The following RBFOX1 variants were observed in gnomAD, a reference collection of about 807,000 sequenced individuals.
The protein encoded by RBFOX1 is RNA binding protein fox-1 homolog 1.
RBFOX1 carries 8 observed loss-of-function variants against 57.7 expected under a neutral mutation model. The ratio of observed to expected loss-of-function variants is 0.14; its 90% CI spans 0.08 to 0.25. The LOEUF is 0.25. Among genes scored for constraint, RBFOX1 ranks in the 10% least tolerant of loss-of-function variants. The pLI is 1.00. For synonymous variants in RBFOX1, 326 were observed against 222.4 expected, an observed-to-expected ratio of 1.47 and a Z score of -4.15; for missense variants, 611 against 548.5, an observed-to-expected ratio of 1.11 and a Z score of -1.14.
chr16:5,925,302 A>G (rs1425709307), intron 4 of RBFOX1, among the ~76,000 whole-genome samples: 1 of 152,220 alleles, frequency 6.6e-6, no homozygotes, highest in Non-Finnish European at 1.5e-5. Context: ...GTCTACCCAT[A>G]CAGTGGGATA....
intron 2 of RBFOX1, among the ~76,000 whole-genome samples, chr16:5,547,837 C>G (rs899231199): frequency 6.6e-6 from 1 of 151,922 alleles, no homozygotes; most frequent in Admixed American, 6.6e-5. Context: ...TAAGTGGGAG[C>G]TAAACATTGG....
intron 2 of RBFOX1, among the ~76,000 whole-genome samples, chr16:6,589,693 T>G (rs1295229318): frequency 1.3e-5 from 2 of 152,218 alleles, no homozygotes; most frequent in African/African-American, 4.8e-5. Flanking sequence ...GCAAAGGCAG[T>G]CTAGTTCCCA....
chr16:6,982,967 C>T (rs971235663), intron 3 of RBFOX1, among the ~76,000 whole-genome samples: 1 of 123,940 alleles, frequency 8.1e-6, no homozygotes, highest in African/African-American at 3.0e-5. Context: ...GTGCTCCAGC[C>T]TGGGTGACAA....
chr16:7,189,683 A>G (rs2084899054), intron 4 of RBFOX1, among the ~76,000 whole-genome samples: 2 of 152,320 alleles, frequency 1.3e-5, no homozygotes, highest in Non-Finnish European at 2.9e-5. Context: ...CCACTGGGAA[A>G]AAGGTACCAT....
intron 1 of RBFOX1, among the ~76,000 whole-genome samples, chr16:5,260,116 G>C (rs1259381338): frequency 1.3e-5 from 2 of 152,166 alleles, no homozygotes; most frequent in African/African-American, 4.8e-5. Flanking sequence ...CAGGAGAATC[G>C]CTTAAGCCTG....
At chr16:7,499,118 T>C (rs1167306636) in intron 4 of RBFOX1, among the ~76,000 whole-genome samples, 1 of 152,212 alleles carries the variant, frequency 6.6e-6, no homozygotes. Flanking sequence ...AGAAATTTAC[T>C]GGCTCACAGT....
intron 3 of RBFOX1, among the ~76,000 whole-genome samples, chr16:5,831,080 T>A (rs2056252953): frequency 1.3e-5 from 2 of 152,210 alleles, no homozygotes; most frequent in South Asian, 4.1e-4. Flanking sequence ...GATACGAGCA[T>A]CTTTAACAGT....
chr16:7,491,472 G>C (rs2066958046), intron 4 of RBFOX1, among the ~76,000 whole-genome samples: 1 of 151,414 alleles, frequency 6.6e-6, no homozygotes, highest in African/African-American at 2.4e-5. Context: ...AGCCAGACAG[G>C]TGATGTGATC....
intron 3 of RBFOX1, among the ~76,000 whole-genome samples, chr16:6,792,761 T>C (rs2083212018): frequency 6.6e-6 from 1 of 152,206 alleles, no homozygotes; most frequent in African/African-American, 2.4e-5. Context: ...GCCGGCATGG[T>C]GGCTCACGCC....
chr16:6,932,129 G>T (rs1031122588), intron 3 of RBFOX1, among the ~76,000 whole-genome samples: 1 of 151,952 alleles, frequency 6.6e-6, no homozygotes, highest in African/African-American at 2.4e-5. Context: ...TTTTCAGATG[G>T]CATCCCATCT....
At chr16:6,874,815 C>G (rs764028128) in intron 3 of RBFOX1, among the ~76,000 whole-genome samples, 12 of 152,094 alleles carry the variant, frequency 7.9e-5, no homozygotes, top group Non-Finnish European at 1.2e-4. Context: ...AGACTACATA[C>G]TGATTGGGTG....
At chr16:5,449,523 C>T (rs1422266250) in intron 1 of RBFOX1, among the ~76,000 whole-genome samples, 2 of 152,162 alleles carry the variant, frequency 1.3e-5, no homozygotes, top group African/African-American at 4.8e-5. Context: ...TAAAGGGTCA[C>T]AGTCAGGATT....
chr16:6,540,399 G>C (rs1327133014), intron 2 of RBFOX1, among the ~76,000 whole-genome samples: 2 of 151,688 alleles, frequency 1.3e-5, no homozygotes, highest in African/African-American at 4.8e-5. Context: ...GGGTTACAAG[G>C]TCAGGAGATC....
intron 4 of RBFOX1, among the ~76,000 whole-genome samples, chr16:7,163,408 G>A (rs866051459): frequency 6.6e-6 from 1 of 152,154 alleles, no homozygotes; most frequent in Non-Finnish European, 1.5e-5. Flanking sequence ...TTTCATCAAT[G>A]TGTATGAAGC....
chr16:6,682,958 A>G (rs565032971), intron 3 of RBFOX1, among the ~76,000 whole-genome samples: 1 of 151,976 alleles, frequency 6.6e-6, no homozygotes, highest in South Asian at 2.1e-4. Flanking sequence ...ATCAGGCCTC[A>G]TAGGGGTTGA....
intron 3 of RBFOX1, among the ~76,000 whole-genome samples, chr16:5,833,953 G>A (rs775533190): frequency 8.8e-4 from 134 of 152,290 alleles, no homozygotes; most frequent in Non-Finnish European, 1.4e-3. Flanking sequence ...CGTGTTTGAA[G>A]CTCCCTTTCC....
intron 2 of RBFOX1, among the ~76,000 whole-genome samples, chr16:5,565,153 G>A (rs372723215): frequency 4.6e-5 from 7 of 152,164 alleles, no homozygotes; most frequent in African/African-American, 1.7e-4. Flanking sequence ...GGCAGACATG[G>A]CTTGGATCAT....
At chr16:7,217,904 GCA>G (rs148420821) in intron 4 of RBFOX1, among the ~76,000 whole-genome samples, 33,286 of 135,262 alleles carry the variant, frequency 0.25, 4,573 homozygotes, top group East Asian at 0.56. Context: ...GTATGTGTGT[GCA>G]TGTGTGTGTG....
chr16:5,255,279 C>T (rs1036936797), intron 1 of RBFOX1, among the ~76,000 whole-genome samples: 2 of 151,644 alleles, frequency 1.3e-5, no homozygotes, highest in Non-Finnish European at 2.9e-5. Context: ...GATAAATGCT[C>T]AAGTCCACCT....
Sources: gnomAD v4.1 joint callset for allele counts (sites outside exome capture counted in the v4.1 genomes callset) on GRCh38, gnomAD v4.1.1 for gene constraint, MANE v1.5 for transcripts, NCBI Gene and HGNC (gene_info 2026-07-23, HGNC 2026-07-21) for gene names.